Variants in CACNG4 observed in about 807,000 individuals in gnomAD.
CACNG4 encodes calcium voltage-gated channel auxiliary subunit gamma 4, also known as voltage-dependent calcium channel gamma-4 subunit.
CACNG4 carries 8 observed loss-of-function variants against 22.9 expected under a neutral mutation model. That is an observed-to-expected ratio of 0.35 (90% CI 0.21 to 0.63). CACNG4 has a LOEUF of 0.63. CACNG4 is among the 30% of genes least tolerant of loss of function. CACNG4 has a pLI of 0.72. For synonymous variants in CACNG4, 188 were observed against 191.9 expected (o/e 0.98, Z 0.17); for missense variants, 357 against 455.4 (o/e 0.78, Z 1.97).
intron 1 of CACNG4, among the ~76,000 whole-genome samples, chr17:67,007,818 G>T (rs771923594): frequency 3.3e-5 from 5 of 152,104 alleles, no homozygotes; most frequent in Admixed American, 6.6e-5. Context: ...AGTCCAAATG[G>T]GTGGCCCTCT....
In CACNG4 at chr17:67,030,971, C is replaced by T. The variant is rs1426816174; in HGVS notation, c.951C>T (p.Val317=). The change falls in exon 4 of 4, where the codon GTC becomes GTT. Residue 317 remains valine, a synonymous_variant. Coordinates refer to ENST00000262138, the MANE Select transcript of CACNG4 (RefSeq NM_014405.4). The surrounding 1 kb of genome is among the most constrained non-coding windows in gnomAD (Gnocchi z 6.4). ...AGGACCTGAAGGAAGGTTTCCACGT[C>T]AGCATGCTGAACCGACGGACGACCC... The part of the protein sequence containing the change: ...FQQDLKEGFH[V]SMLNRRTTPV 3 of 1,613,644 alleles carry T rather than the reference C, an allele frequency of 1.9e-6. No individual in the cohort carries two copies. Among genetic ancestry groups the T allele is most frequent in the South Asian group, 2.2e-5 (2 of 91,070 alleles).
chr17:67,031,127 C>A lies in CACNG4; in HGVS notation c.*123C>A, dbSNP rs1308106501. The stretch of plus-strand genomic sequence containing the variant: ...AAAGCCAAATGCAGCCCTCCCTGGC[C>A]TCCAGAGGTGGCGTGGGCTGGCTTT... On this transcript the variant is annotated 3_prime_UTR_variant, in exon 4 of 4. Coordinates refer to ENST00000262138, the MANE Select transcript of CACNG4 (RefSeq NM_014405.4). This position sits in a 1 kb window ranked among gnomAD's most constrained non-coding sequence, Gnocchi z 4.0. The A allele has an allele frequency of 2.7e-6, 3 of 1,113,418 alleles. No homozygotes were observed. The highest frequency in any genetic ancestry group is 3.8e-6 in the Non-Finnish European group (3 of 780,436). The allele number at this position is 1,113,418 out of a possible 1,614,324, so 69.0% of individuals were successfully genotyped here. A position where few individuals can be genotyped will look rare whatever the true frequency, so the allele number is the denominator to read the frequency against.
At position 67,015,378 on chromosome 17, in the gene CACNG4, G is replaced by A. The variant is rs116603023; in HGVS notation, c.221-2811G>A. On this transcript the variant is annotated intron_variant, in intron 1 of 3. Coordinates refer to ENST00000262138, the MANE Select transcript of CACNG4 (RefSeq NM_014405.4). ...GGATGCCTTGGGTCAGGGAGGGGAC[G>A]GGCAGGAGGGCTTGGGTGGGGCTGT... Among the ~76,000 whole-genome samples the A allele has an allele frequency of 9.0e-3, 1,367 of 152,178 alleles. 17 individuals are homozygous for A. The highest frequency in any genetic ancestry group is 0.03 in the African/African-American group (1,252 of 41,506).
In CACNG4 at chr17:66,984,021, T is replaced by A. The variant is rs117081576; in HGVS notation, c.220+18890T>A. ...TTGATCAGGGTGCTGGTTATACGGG[T>A]GTAGACACATGTTCATCTAACTGCA... On this transcript the variant is annotated intron_variant, in intron 1 of 3. Coordinates refer to ENST00000262138, the MANE Select transcript of CACNG4 (RefSeq NM_014405.4). The surrounding 1 kb of genome is among the most constrained non-coding windows in gnomAD (Gnocchi z 4.0). Among the ~76,000 whole-genome samples, 4,715 of 152,262 alleles carry A rather than the reference T, an allele frequency of 0.031. 107 individuals are homozygous for A. The highest frequency in any genetic ancestry group is 0.053 in the Admixed American group (815 of 15,294).
intron 1 of CACNG4, among the ~76,000 whole-genome samples, chr17:67,000,883 C>T (rs2143325322): frequency 6.6e-6 from 1 of 152,252 alleles, no homozygotes; most frequent in South Asian, 2.1e-4. Flanking sequence ...TCCACTCTGT[C>T]CTCCATCCTG....
intron 1 of CACNG4, among the ~76,000 whole-genome samples, chr17:67,000,414 GT>G (rs796585352): frequency 0.023 from 3,185 of 136,242 alleles, 84 homozygotes; most frequent in African/African-American, 0.086. Context: ...TTTATTTACT[GT>G]TTTTTTTTTT....
At chr17:66,965,210 GC>G in intron 1 of CACNG4, 79 bp downstream of exon 1, 8 of 774,056 alleles carry the variant, frequency 1.0e-5, no homozygotes, top group Non-Finnish European at 1.5e-5. Flanking sequence ...GCGCGCGCGC[GC>G]GCACACACAC....
chr17:66,982,805 T>A (rs1205235474), intron 1 of CACNG4, among the ~76,000 whole-genome samples: 1 of 152,216 alleles, frequency 6.6e-6, no homozygotes, highest in South Asian at 2.1e-4. Context: ...ATCCTCCTGC[T>A]TCAGCCTCCC....
intron 1 of CACNG4, among the ~76,000 whole-genome samples, chr17:67,009,162 C>T (rs2035453875): frequency 6.6e-6 from 1 of 152,154 alleles, no homozygotes; most frequent in Non-Finnish European, 1.5e-5. Context: ...GAGCTTTCTC[C>T]CTCACAGCCC....
chr17:66,984,640 G>C lies in CACNG4; in HGVS notation c.220+19509G>C, dbSNP rs2035294853. Among the ~76,000 whole-genome samples, 2 of 152,160 alleles carry C rather than the reference G, an allele frequency of 1.3e-5. No homozygotes were observed. On this transcript the variant is annotated intron_variant, in intron 1 of 3. Transcript: ENST00000262138. The surrounding 1 kb of genome is among the most constrained non-coding windows in gnomAD (Gnocchi z 4.0). ...CCTTCTGGAGGAGAAAGATACTCCTGTATCTGCAGATTCTGAGACTCGGAG... is the reference window on the plus strand; with the variant it reads ...CCTTCTGGAGGAGAAAGATACTCCTCTATCTGCAGATTCTGAGACTCGGAG...
chr17:67,014,101 T>C (rs1567757493), intron 1 of CACNG4, among the ~76,000 whole-genome samples: 1 of 152,168 alleles, frequency 6.6e-6, no homozygotes, highest in Non-Finnish European at 1.5e-5. Context: ...ACAGTGTCTC[T>C]GGGAGCACAG....
chr17:66,968,889 C>T (rs2143268634), intron 1 of CACNG4, among the ~76,000 whole-genome samples: 1 of 150,746 alleles, frequency 6.6e-6, no homozygotes, highest in Admixed American at 6.6e-5. Flanking sequence ...CTATCTCTAT[C>T]TCTTTCTCTT....
intron 2 of CACNG4, among the ~76,000 whole-genome samples, chr17:67,022,034 C>G (rs2035535025): frequency 6.6e-6 from 1 of 150,628 alleles, no homozygotes; most frequent in Non-Finnish European, 1.5e-5. Context: ...ATGGATGGCT[C>G]TGAGCCAAGC....
intron 1 of CACNG4, among the ~76,000 whole-genome samples, chr17:66,980,006 G>T (rs1467728788): frequency 6.6e-6 from 1 of 151,906 alleles, no homozygotes; most frequent in East Asian, 1.9e-4. Context: ...TGCCCACCTC[G>T]GCCTCCCAAA....
chr17:67,030,844 C>A lies in CACNG4; in HGVS notation c.824C>A (p.Ser275Tyr). The change falls in exon 4 of 4, where the codon TCC (serine) becomes TAC (tyrosine). Residue 275 changes from serine (S) to tyrosine (Y), a missense_variant. Around this residue, in one of 3 missense-constraint regions of CACNG4, gnomAD observed 240 missense variants for 277.6 expected, o/e 0.86. Coordinates refer to ENST00000262138, the MANE Select transcript of CACNG4 (RefSeq NM_014405.4). This position sits in a 1 kb window ranked among gnomAD's most constrained non-coding sequence, Gnocchi z 6.4. ...ITGAIPMGEL[S>Y]MYTLSREPLK... ...GGGGCCATCCCCATGGGGGAGCTGT[C>A]CATGTACACGCTGTCCAGGGAGCCC... 1 of 1,613,790 alleles carries A rather than the reference C, an allele frequency of 6.2e-7. No individual in the cohort carries two copies. The highest frequency in any genetic ancestry group is 8.5e-7 in the Non-Finnish European group (1 of 1,180,010).
intron 1 of CACNG4, among the ~76,000 whole-genome samples, chr17:66,982,240 G>A (rs3859212): frequency 0.051 from 7,763 of 152,204 alleles, 247 homozygotes; most frequent in East Asian, 0.12. Flanking sequence ...ATTTGTCCCC[G>A]CCCATGTCCT....
chr17:66,972,188 C>T (rs936340713), intron 1 of CACNG4, among the ~76,000 whole-genome samples: 1 of 152,046 alleles, frequency 6.6e-6, no homozygotes, highest in Admixed American at 6.5e-5. Context: ...AAAGGTATGC[C>T]CATGGGGGTG....
Position 67,031,852 on chromosome 17 carries a change from C to T in CACNG4, c.*848C>T. ...CCCTTGTCATAGACCCAAGGAGCAA[C>T]TCTGTCCCCTGAGCGTTGGGGGTCC... On this transcript the variant is annotated 3_prime_UTR_variant, in exon 4 of 4. Coordinates refer to ENST00000262138, the MANE Select transcript of CACNG4 (RefSeq NM_014405.4). The surrounding 1 kb of genome is among the most constrained non-coding windows in gnomAD (Gnocchi z 4.0). 2.2e-6 allele frequency: 1 copy of T among 456,690 alleles called. No individual in the cohort carries two copies. The highest frequency in any genetic ancestry group is 2.0e-5 in the African/African-American group (1 of 50,162). 28.3% of individuals were successfully genotyped at this position (456,690 alleles called of 1,614,324 possible).
chr17:66,975,153 G>A (rs2035228611), intron 1 of CACNG4, among the ~76,000 whole-genome samples: 1 of 152,210 alleles, frequency 6.6e-6, no homozygotes, highest in Non-Finnish European at 1.5e-5. Context: ...GAAAGGTAGA[G>A]GGCAGTTTCT....
Sources: gnomAD v4.1 joint callset for allele counts (sites outside exome capture counted in the v4.1 genomes callset) on GRCh38, gnomAD v4.1.1 for gene constraint, gnomAD v4.1.1 regional missense constraint, Gnocchi (gnomAD v3.1) non-coding constraint, MANE v1.5 for transcripts, NCBI Gene and HGNC (gene_info 2026-07-23, HGNC 2026-07-21) for gene names.